TMEM143: variants seen among roughly 807,000 people sequenced by gnomAD.
The protein encoded by TMEM143 is transmembrane protein 143.
Under a neutral mutation model 40.3 loss-of-function variants are expected in TMEM143, and 45 were observed. The observed-to-expected ratio is 1.12, with a 90% CI of 0.88 to 1.43. The LOEUF (loss-of-function observed/expected upper bound fraction) is 1.43, where lower values mean the gene tolerates loss of function less well. Ranked by LOEUF, TMEM143 falls within the 40% of genes most tolerant of loss-of-function variation. The pLI is 0.00. For missense variants in TMEM143, 620 were observed against 613.4 expected (o/e 1.01, Z -0.11); for synonymous variants, 299 against 282.7 (o/e 1.06, Z -0.58).
At chr19:48,358,781 G>A (rs1172732109) in intron 3 of TMEM143, among the ~76,000 whole-genome samples, 2 of 152,156 alleles carry the variant, frequency 1.3e-5, no homozygotes, top group African/African-American at 4.8e-5. Flanking sequence ...TCCCTACACT[G>A]CAGCCAGAGA....
In TMEM143 at chr19:48,335,392, C is replaced by T. The variant is rs557212832; in HGVS notation, c.976-1195G>A. On this transcript the variant is annotated intron_variant, in intron 6 of 7. Transcript: ENST00000293261. ...AGGAGTTCAAGACCAGCTTGGGCAA[C>T]ATGGCAAAAGCTTCATCTCTACAAA... 2.0e-5 allele frequency among the ~76,000 whole-genome samples: 3 copies of T among 152,234 alleles called. No homozygotes were observed. The East Asian group carries it at 5.8e-4, about 29-fold the overall frequency.
At chr19:48,357,030 G>C (rs1325745379) in intron 3 of TMEM143, among the ~76,000 whole-genome samples, 2 of 150,866 alleles carry the variant, frequency 1.3e-5, no homozygotes, top group Admixed American at 6.6e-5. Flanking sequence ...TCAGCCTCCT[G>C]AGTAGCTGGG....
At chr19:48,356,093 C>T (rs1306023135) in intron 3 of TMEM143, among the ~76,000 whole-genome samples, 1 of 151,898 alleles carries the variant, frequency 6.6e-6, no homozygotes, top group African/African-American at 2.4e-5. Flanking sequence ...GTCTTGGATT[C>T]TGCCCCATGT....
At chr19:48,335,438 T>C (rs1232882706) in intron 6 of TMEM143, among the ~76,000 whole-genome samples, 8 of 151,890 alleles carry the variant, frequency 5.3e-5, no homozygotes, top group Non-Finnish European at 1.5e-5. Context: ...TAAAAAACAA[T>C]AGCAGGCTGG....
At chr19:48,359,283 A>G (rs934373933) in intron 3 of TMEM143, among the ~76,000 whole-genome samples, 10 of 150,320 alleles carry the variant, frequency 6.7e-5, no homozygotes, top group Non-Finnish European at 1.0e-4. Context: ...CTCCCCGCAC[A>G]TTCACTCTCC....
intron 6 of TMEM143, among the ~76,000 whole-genome samples, chr19:48,337,059 G>A (rs1185866177): frequency 6.6e-6 from 1 of 151,616 alleles, no homozygotes; most frequent in Non-Finnish European, 1.5e-5. Context: ...AAGAAAACCT[G>A]TACCTGTACC....
intron 3 of TMEM143, among the ~76,000 whole-genome samples, chr19:48,359,516 T>G (rs1294402774): frequency 3.6e-5 from 3 of 83,054 alleles, no homozygotes; most frequent in Admixed American, 1.6e-4. Flanking sequence ...TTTGTTTTTT[T>G]TTTTTTTTTG....
At position 48,347,372 on chromosome 19, in the gene TMEM143, G is replaced by C. The variant is rs189755816; in HGVS notation, c.370-2018C>G. On this transcript the variant is annotated intron_variant, in intron 3 of 7. Transcript: ENST00000293261. Reference sequence around the variant, plus strand: ...GGCCTAAGTGAAGGTTTGGTCATGGGGAAGCCCAGGGCCTCAGAAACAACT... The same window carrying C: ...GGCCTAAGTGAAGGTTTGGTCATGGCGAAGCCCAGGGCCTCAGAAACAACT... 8.3e-4 allele frequency among the ~76,000 whole-genome samples: 126 copies of C among 152,152 alleles called. 1 individual carries two copies. The highest frequency in any genetic ancestry group is 2.9e-3 in the African/African-American group (121 of 41,510).
chr19:48,346,219 G>C (rs1427782080), intron 3 of TMEM143, among the ~76,000 whole-genome samples: 1 of 152,076 alleles, frequency 6.6e-6, no homozygotes, highest in East Asian at 1.9e-4. Context: ...AGCCTCCTGA[G>C]TAGCTGGGAT....
In TMEM143 at chr19:48,363,291, C is replaced by G. The variant is rs1808119667; in HGVS notation, c.264G>C (p.Gln88His). The change falls in exon 2 of 8, where the codon CAG (glutamine) becomes CAC (histidine). Residue 88 changes from glutamine to histidine, a missense_variant and splice_region_variant. By Grantham distance (24) the Gln-to-His change is conservative. Transcript: ENST00000293261. The stretch of plus-strand genomic sequence containing the variant: ...CTCTTGGGCCTGGGACAGGCGGTAC[C>G]TGTATTAGGAGGCGGAGCAGCTGCT... ...SKEQLLRLLI[Q>H]EFHSSPAEKA... 3 of 1,612,798 alleles carry G rather than the reference C, an allele frequency of 1.9e-6. No individual in the cohort carries two copies. The highest frequency in any genetic ancestry group is 1.1e-5 in the South Asian group (1 of 91,020).
At chr19:48,357,273 A>G (rs568424483) in intron 3 of TMEM143, among the ~76,000 whole-genome samples, 50 of 151,262 alleles carry the variant, frequency 3.3e-4, no homozygotes, top group Admixed American at 7.3e-4. Flanking sequence ...CCATCTATTA[A>G]TAGATCCTCC....
At chr19:48,345,760 C>T (rs8106307) in intron 3 of TMEM143, among the ~76,000 whole-genome samples, 1 of 151,418 alleles carries the variant, frequency 6.6e-6, no homozygotes, top group East Asian at 2.0e-4. Context: ...CATAAGCCAC[C>T]GTGCCCGGCC....
intron 6 of TMEM143, among the ~76,000 whole-genome samples, chr19:48,340,830 T>C (rs1199451438): frequency 2.6e-5 from 4 of 152,088 alleles, no homozygotes; most frequent in Non-Finnish European, 5.9e-5. Context: ...CCTCTGGGAC[T>C]TCCCCTCTCT....
chr19:48,337,884 T>C (rs1404679303), intron 6 of TMEM143, among the ~76,000 whole-genome samples: 4 of 152,058 alleles, frequency 2.6e-5, no homozygotes, highest in Non-Finnish European at 5.9e-5. Context: ...AGGGACCGTG[T>C]GGTATGAAAA....
At chr19:48,357,615 CA>C (rs1969940645) in intron 3 of TMEM143, among the ~76,000 whole-genome samples, 1 of 152,036 alleles carries the variant, frequency 6.6e-6, no homozygotes, top group African/African-American at 2.4e-5. Context: ...CTTGTCCTCC[CA>C]AAGTGCTGGG....
chr19:48,360,245 C>T (rs1238833428), intron 2 of TMEM143, 69 bp from the exon 3 acceptor site: 2 of 1,477,114 alleles, frequency 1.4e-6, no homozygotes, highest in Non-Finnish European at 1.9e-6. Context: ...AATTCTTTCC[C>T]TGGCTGCCTA....
At chr19:48,343,487 C>T (rs1337127632) in intron 4 of TMEM143, 36 bp from the exon 5 acceptor site, 2 of 1,548,826 alleles carry the variant, frequency 1.3e-6, no homozygotes, top group African/African-American at 1.4e-5. Context: ...GGCGGGTGAA[C>T]ATGGGCAGGA....
intron 3 of TMEM143, among the ~76,000 whole-genome samples, chr19:48,354,692 T>A (rs1028194154): frequency 1.3e-5 from 2 of 152,122 alleles, no homozygotes; most frequent in African/African-American, 4.8e-5. Context: ...AGGTGCTCAA[T>A]AAATATTTAC....
chr19:48,363,339 C>T lies in TMEM143; in HGVS notation c.216G>A (p.Glu72=), dbSNP rs780687679. The change falls in exon 2 of 8, where the codon GAG becomes GAA. Residue 72 remains glutamate (E), a synonymous_variant. Transcript: ENST00000293261. ...EPRDWAQQYR[E]RFIPFSKEQL... ...GCTCCTTGGAGAAGGGAATGAAGCG[C>T]TCGCGGTACTGCTGGGCCCAGTCGC... 4.5e-5 allele frequency: 73 copies of T among 1,614,092 alleles called. No individual in the cohort carries two copies.
Sources: allele counts gnomAD v4.1 joint callset (sites outside exome capture counted in the v4.1 genomes callset), GRCh38; gene constraint gnomAD v4.1.1; transcripts MANE v1.5; gene names NCBI Gene and HGNC (gene_info 2026-07-23, HGNC 2026-07-21).